Variants in THSD1 observed in about 807,000 individuals in gnomAD.
THSD1 encodes the protein thrombospondin type 1 domain containing 1.
In THSD1, 34 loss-of-function variants were observed where a neutral mutation model predicts 46.3. That is an observed-to-expected ratio of 0.74 (90% CI 0.56 to 0.98). The LOEUF (loss-of-function observed/expected upper bound fraction) is 0.98, where lower values mean the gene tolerates loss of function less well. THSD1 is among the 50% of genes least tolerant of loss of function. The pLI is 0.00. For synonymous variants in THSD1, 407 were observed against 416.5 expected, an observed-to-expected ratio of 0.98 and a Z score of 0.28; for missense variants, 1,023 against 1,058.3, an observed-to-expected ratio of 0.97 and a Z score of 0.46.
chr13:52,377,599 TCA>T lies in THSD1; in HGVS notation c.2369_2370del (p.Leu790GlnfsTer6), dbSNP rs1957643003. The T allele has an allele frequency of 6.2e-7, 1 of 1,604,206 alleles. No individual in the cohort carries two copies. The highest frequency in any genetic ancestry group is 1.3e-5 in the African/African-American group (1 of 74,772). Reference protein sequence around the residue: ...PKDNYQRVSSLSPSQCRKDKC... With the variant: ...PKDNYQRVSSXSPSQCRKDKC... ...TTGTCTTTTCTACACTGAGAAGGGC[TCA>T]GAGAACTGACCCTCTGGTAGTTATC... is the stretch of plus-strand genomic sequence containing the variant. On this transcript the variant is annotated frameshift_variant, in exon 5 of 5. Coordinates refer to ENST00000258613, the MANE Select transcript of THSD1 (RefSeq NM_018676.4). LOFTEE classifies it high-confidence loss of function.
rs1448447568 is a variant in THSD1, at chr13:52,378,309, A to G, written c.1661T>C (p.Val554Ala). 1 of 1,614,212 alleles carries G rather than the reference A, an allele frequency of 6.2e-7. No homozygotes were observed. Among genetic ancestry groups the G allele is most frequent in the African/African-American group, 1.3e-5 (1 of 75,062 alleles). Residue 554 changes from valine (V) to alanine (A), a missense_variant, in exon 5 of 5, where the codon GTG (valine) becomes GCG (alanine). Physicochemically the swap from Val to Ala is moderately conservative, Grantham distance 64. Around this residue, in one of 3 missense-constraint regions of THSD1, gnomAD observed 578 missense variants for 497.4 expected, o/e 1.16. Transcript: ENST00000258613. ...GLTETTKVYH[V>A]SQSPLTDTAI... The stretch of plus-strand genomic sequence containing the variant: ...AGTGTCTGTCAGGGGACTCTGAGAC[A>G]CGTGATACACTTTGGTAGTTTCCGT...
rs142793367 is a variant in THSD1 at position 52,386,117 on chromosome 13, C to T, written c.1091G>A (p.Arg364His). The T allele has an allele frequency of 8.2e-5, 133 of 1,614,014 alleles. No homozygotes were observed. The highest frequency in any genetic ancestry group is 1.1e-4 in the Non-Finnish European group (126 of 1,180,018). Reference protein sequence around the residue: ...ATCGDGVRERRRVCLTSFPSS... With the variant: ...ATCGDGVRERHRVCLTSFPSS... The stretch of plus-strand genomic sequence containing the variant: ...GGGGAAGGAAGTGAGACACACTCGG[C>T]GACGCTCTCTGACACCATCCCCACA... The change falls in exon 4 of 5, where the codon CGC (arginine) becomes CAC (histidine). Residue 364 changes from arginine to histidine, a missense_variant. By Grantham distance (29) the Arg-to-His change is conservative. Transcript: ENST00000258613.
At chr13:52,386,871 A>C (rs1299389174) in intron 3 of THSD1, among the ~76,000 whole-genome samples, 3 of 152,228 alleles carry the variant, frequency 2.0e-5, no homozygotes, top group African/African-American at 7.2e-5. Flanking sequence ...CTGCTTCTAG[A>C]GAATGGAAAA....
At chr13:52,400,367 ATGGGTGGATCACCTGAGG>A (rs1419457925) in intron 2 of THSD1, among the ~76,000 whole-genome samples, 1 of 152,056 alleles carries the variant, frequency 6.6e-6, no homozygotes, top group African/African-American at 2.4e-5. Context: ...GGAGGCCGAG[ATGGGTGGATCACCTGAGG>A]TCAGGAGTTC....
chr13:52,403,110 C>G (rs1957877378), intron 1 of THSD1, among the ~76,000 whole-genome samples: 1 of 152,158 alleles, frequency 6.6e-6, no homozygotes, highest in African/African-American at 2.4e-5. Context: ...TGTGTATACC[C>G]AAATGCTCCC....
In THSD1 at chr13:52,377,607, C is replaced by G. The variant is rs1957643088; in HGVS notation, c.2363G>C (p.Ser788Thr). The change falls in exon 5 of 5, where the codon AGT becomes ACT. Residue 788 changes from serine to threonine, a missense_variant. By Grantham distance (58) the Ser-to-Thr change is moderately conservative. This residue lies in a region of THSD1 where 578 missense variants were observed against 497.4 expected (regional missense o/e 1.16). Transcript: ENST00000258613. ...ISPKDNYQRVSSLSPSQCRKD... is the reference protein window; with the variant it reads ...ISPKDNYQRVTSLSPSQCRKD... ...TCTACACTGAGAAGGGCTCAGAGAA[C>G]TGACCCTCTGGTAGTTATCTTTGGG... is the stretch of plus-strand genomic sequence containing the variant. 1 of 1,606,136 alleles carries G rather than the reference C, an allele frequency of 6.2e-7. No individual in the cohort carries two copies.
Position 52,378,651 on chromosome 13 carries a change from C to T in THSD1, c.1319G>A (p.Gly440Asp). ...AGGTGTGCTGCACTTGGCTGGCCGG[C>T]CGAACCTCCTCCACAGCGTGATGAG... ...TVLITLWRRFGRPAKCSTPAR... is the reference protein window; with the variant it reads ...TVLITLWRRFDRPAKCSTPAR... The change falls in exon 5 of 5, where the codon GGC becomes GAC. Residue 440 changes from glycine (G) to aspartate (D), a missense_variant. Physicochemically the swap from Gly to Asp is moderately conservative, Grantham distance 94. This residue lies in a region of THSD1 where 578 missense variants were observed against 497.4 expected (regional missense o/e 1.16). Transcript: ENST00000258613. 6.2e-7 allele frequency: 1 copy of T among 1,614,056 alleles called. No homozygotes were observed. Among genetic ancestry groups the T allele is most frequent in the East Asian group, 2.2e-5 (1 of 44,852 alleles).
chr13:52,380,511 CT>C lies in THSD1; in HGVS notation c.1181-1723del, dbSNP rs113333726. On this transcript the variant is annotated intron_variant, in intron 4 of 4. Transcript: ENST00000258613. ...AAGCTGTCACACATAGTTTCTTTTC[CT>C]TTTTTTTTTTTTTCTTTTCCACCTC... Among the ~76,000 whole-genome samples, 248 of 142,808 alleles carry C rather than the reference CT, an allele frequency of 1.7e-3. 1 individual carries two copies. The highest frequency in any genetic ancestry group is 3.1e-3 in the Admixed American group (44 of 14,272). 93.7% of individuals were successfully genotyped at this position (142,808 alleles called of 152,430 possible).
Position 52,386,161 on chromosome 13 carries a change from C to G in THSD1, c.1047G>C (p.Trp349Cys). 6.2e-7 allele frequency: 1 copy of G among 1,614,138 alleles called. No homozygotes were observed. The highest frequency in any genetic ancestry group is 8.5e-7 in the Non-Finnish European group (1 of 1,180,014). The change falls in exon 4 of 5, where the codon TGG becomes TGC. Residue 349 changes from tryptophan to cysteine, a missense_variant. Trp to Cys is a radical substitution (Grantham distance 215, BLOSUM62 -2). Coordinates refer to ENST00000258613, the MANE Select transcript of THSD1 (RefSeq NM_018676.4). ...CCCCACATGTGGCACTACACTGGCT[C>G]CATGGCTGCCACAGTCCCCAAGTTT... Reference protein sequence around the residue: ...NTETWGLWQPWSQCSATCGDG... With the variant: ...NTETWGLWQPCSQCSATCGDG...
intron 3 of THSD1, among the ~76,000 whole-genome samples, chr13:52,392,817 T>C (rs1270013336): frequency 1.3e-5 from 2 of 152,174 alleles, no homozygotes; most frequent in Non-Finnish European, 2.9e-5. Context: ...CTATAAGCAG[T>C]AGGAAGAGCA....
chr13:52,383,645 G>A (rs941933742), intron 4 of THSD1, among the ~76,000 whole-genome samples: 1 of 152,130 alleles, frequency 6.6e-6, no homozygotes, highest in Non-Finnish European at 1.5e-5. Flanking sequence ...TGCTGGCCTC[G>A]CCCATCTGTA....
At chr13:52,399,466 G>A (rs1476384489) in intron 2 of THSD1, among the ~76,000 whole-genome samples, 1 of 152,094 alleles carries the variant, frequency 6.6e-6, no homozygotes, top group African/African-American at 2.4e-5. Flanking sequence ...GAATATATAT[G>A]TCCAAAGGGG....
intron 4 of THSD1, among the ~76,000 whole-genome samples, chr13:52,385,063 G>T (rs1178765543): frequency 6.6e-6 from 1 of 152,200 alleles, no homozygotes; most frequent in Non-Finnish European, 1.5e-5. Flanking sequence ...GGGGACACTG[G>T]CTGAGATGTT....
intron 4 of THSD1, among the ~76,000 whole-genome samples, chr13:52,380,547 C>T (rs1354748082): frequency 2.0e-5 from 3 of 150,880 alleles, no homozygotes; most frequent in East Asian, 1.9e-4. Flanking sequence ...CCTGGGTTCA[C>T]GCCATTCTCC....
rs79407656 is a variant in THSD1 at position 52,379,893 on chromosome 13, G to A, written c.1181-1104C>T. On this transcript the variant is annotated intron_variant, in intron 4 of 4. Transcript: ENST00000258613. ...AAATGTGAAATGCAAAATGATTTAG[G>A]TAGGCCAAATTTAGGTTCCTACATA... Among the ~76,000 whole-genome samples the A allele has an allele frequency of 4.7e-4, 71 of 152,268 alleles. 3 individuals are homozygous for A. In the East Asian group the frequency reaches 0.014, roughly 29 times the overall value.
intron 3 of THSD1, among the ~76,000 whole-genome samples, chr13:52,392,982 GA>G (rs1332131264): frequency 6.6e-6 from 1 of 151,574 alleles, no homozygotes; most frequent in Admixed American, 6.5e-5. Flanking sequence ...AGTTAAGGAG[GA>G]AAAAACAGAG....
Position 52,397,801 on chromosome 13 carries a change from G to A in THSD1, c.452C>T (p.Thr151Ile), listed in dbSNP as rs376428871. ...AGGAAACGGGCACAGTGGTTGACTG[G>A]TAAATAGGCCCACTTGGAAGGTGCC... ...AEGTFQVGLF[T>I]SQPLCPFPVD... Residue 151 changes from threonine (T) to isoleucine (I), a missense_variant, in exon 3 of 5, where the codon ACC becomes ATC. Thr to Ile is a moderately conservative substitution (Grantham distance 89, BLOSUM62 -1). Coordinates refer to ENST00000258613, the MANE Select transcript of THSD1 (RefSeq NM_018676.4). The A allele has an allele frequency of 3.1e-6, 5 of 1,614,112 alleles. No homozygotes were observed. In the African/African-American group the frequency reaches 6.7e-5, roughly 22 times the overall value.
chr13:52,393,737 G>A (rs796496009), intron 3 of THSD1, among the ~76,000 whole-genome samples: 9 of 152,286 alleles, frequency 5.9e-5, no homozygotes, highest in African/African-American at 2.2e-4. Context: ...GTGTGAGTCA[G>A]TGGCTTACAC....
chr13:52,398,076 T>A lies in THSD1; in HGVS notation c.177A>T (p.Val59=). ...TGTTGGCCTCCAACAGCAGGACAGA[T>A]ACATTCCTCAGTGTCCCATTAGCAC... ...FDGANGTLRN[V]SVLLLEANTN... The change falls in exon 3 of 5, where the codon GTA becomes GTT. Residue 59 remains valine (V), a synonymous_variant. Transcript: ENST00000258613. The A allele has an allele frequency of 1.9e-6, 3 of 1,614,200 alleles. No individual in the cohort carries two copies. The highest frequency in any genetic ancestry group is 1.7e-6 in the Non-Finnish European group (2 of 1,180,036).
Sources: gnomAD v4.1 joint callset for allele counts (sites outside exome capture counted in the v4.1 genomes callset) on GRCh38, gnomAD v4.1.1 for gene constraint, gnomAD v4.1.1 regional missense constraint, MANE v1.5 for transcripts, NCBI Gene and HGNC (gene_info 2026-07-23, HGNC 2026-07-21) for gene names.